TBC1D8: variants seen among roughly 807,000 people sequenced by gnomAD.
TBC1D8 encodes BUB2-like protein 1.
TBC1D8 carries 65 observed loss-of-function variants against 118.8 expected under a neutral mutation model. The ratio of observed to expected loss-of-function variants is 0.55; its 90% confidence interval spans 0.45 to 0.67. The LOEUF is 0.67. Among genes scored for constraint, TBC1D8 ranks in the 30% least tolerant of loss-of-function variants. The probability of loss-of-function intolerance (pLI) is 0.00; values close to 1 mark genes in which losing one functional copy is unlikely to be tolerated. For missense variants in TBC1D8, 1,376 were observed against 1,471.2 expected (o/e 0.94, Z 1.06); for synonymous variants, 566 against 595.8 (o/e 0.95, Z 0.73).
chr2:101,071,355 A>AAACG (rs1674418998), intron 2 of TBC1D8, among the ~76,000 whole-genome samples: 1 of 141,268 alleles, frequency 7.1e-6, no homozygotes, highest in East Asian at 2.0e-4. Flanking sequence ...AAAAACAAAC[A>AAACG]AACAAACAAA....
chr2:101,106,987 G>A (rs1677264774), intron 1 of TBC1D8, among the ~76,000 whole-genome samples: 1 of 152,218 alleles, frequency 6.6e-6, no homozygotes, highest in Admixed American at 6.5e-5. Flanking sequence ...AGGGTCAGGT[G>A]TATTCAATGC....
chr2:101,136,306 C>T (rs985458557), intron 1 of TBC1D8, among the ~76,000 whole-genome samples: 2 of 152,136 alleles, frequency 1.3e-5, no homozygotes, highest in Non-Finnish European at 2.9e-5. Flanking sequence ...ATTGTTAAAA[C>T]GAACCTGGCA....
chr2:101,093,856 C>A (rs1484836782), intron 1 of TBC1D8, among the ~76,000 whole-genome samples: 3 of 152,092 alleles, frequency 2.0e-5, no homozygotes, highest in East Asian at 2.0e-4. Context: ...ATTACAGGCA[C>A]CTGCCACCAC....
In TBC1D8 at chr2:101,142,255, C is replaced by G. The variant is rs145853381; in HGVS notation, c.127+8872G>C. 1.2e-4 allele frequency among the ~76,000 whole-genome samples: 19 copies of G among 152,268 alleles called. No individual in the cohort carries two copies. The East Asian group carries it at 3.7e-3, about 29-fold the overall frequency. ...GTTGAAAATACACATAGCTATGACC[C>G]AGTATTAGGGCTGTTCACAAAAGTC... On this transcript the variant is annotated intron_variant, in intron 1 of 19. Coordinates refer to ENST00000409318, the MANE Select transcript of TBC1D8 (RefSeq NM_001330348.2).
chr2:101,099,231 G>C (rs759507904), intron 1 of TBC1D8, among the ~76,000 whole-genome samples: 1 of 152,062 alleles, frequency 6.6e-6, no homozygotes, highest in Non-Finnish European at 1.5e-5. Context: ...ACTATAAATA[G>C]TTCCACACAA....
rs975726282 is a variant in TBC1D8, at chr2:101,149,017, G to C, written c.127+2110C>G. Among the ~76,000 whole-genome samples, 7 of 152,192 alleles carry C rather than the reference G, an allele frequency of 4.6e-5. No homozygotes were observed. In the East Asian group the frequency reaches 1.4e-3, roughly 29 times the overall value. On this transcript the variant is annotated intron_variant, in intron 1 of 19. Coordinates refer to ENST00000409318, the MANE Select transcript of TBC1D8 (RefSeq NM_001330348.2). Reference sequence around the variant, plus strand: ...CGTGGCAGGTCAGCGCTGCTTCATCGGCATTGGCTTCCCAGCTAAATGCTC... The same window carrying C: ...CGTGGCAGGTCAGCGCTGCTTCATCCGCATTGGCTTCCCAGCTAAATGCTC...
intron 1 of TBC1D8, among the ~76,000 whole-genome samples, chr2:101,141,893 GTA>G (rs1490376211): frequency 2.0e-5 from 3 of 151,334 alleles, no homozygotes; most frequent in Non-Finnish European, 4.4e-5. Flanking sequence ...AAAGACTCAA[GTA>G]TTTCTCAGAA....
chr2:101,102,410 C>T (rs1023335115), intron 1 of TBC1D8, among the ~76,000 whole-genome samples: 13 of 151,388 alleles, frequency 8.6e-5, no homozygotes, highest in Admixed American at 1.3e-4. Flanking sequence ...GCTGAAACCA[C>T]GCTGCTGCAC....
rs181167792 is a variant in TBC1D8, at chr2:101,124,433, G to A, written c.127+26694C>T. Among the ~76,000 whole-genome samples, 36 of 152,234 alleles carry A rather than the reference G, an allele frequency of 2.4e-4. No homozygotes were observed. The East Asian group carries it at 6.8e-3, about 29-fold the overall frequency. ...GGGTTGCTTGCAGGCTAACCAAGAT[G>A]AAAACTACCACATTTCTAGTCTCCA... On this transcript the variant is annotated intron_variant, in intron 1 of 19. Transcript: ENST00000409318.
intron 2 of TBC1D8, among the ~76,000 whole-genome samples, chr2:101,067,910 G>A (rs1256894612): frequency 2.0e-5 from 3 of 152,158 alleles, no homozygotes; most frequent in African/African-American, 7.2e-5. Context: ...TAAATCCTTT[G>A]TTGTCATTTC....
intron 1 of TBC1D8, 121 bp downstream of exon 1, chr2:101,151,006 C>A: frequency 2.8e-6 from 2 of 716,712 alleles, no homozygotes; most frequent in Non-Finnish European, 3.4e-6. Flanking sequence ...CAGGGCCGTC[C>A]GGGCCCCGCG....
intron 5 of TBC1D8, among the ~76,000 whole-genome samples, chr2:101,049,059 G>C (rs892535638): frequency 2.0e-5 from 3 of 152,124 alleles, no homozygotes; most frequent in African/African-American, 7.2e-5. Flanking sequence ...TAATGCTGCT[G>C]CAAACACGGG....
intron 1 of TBC1D8, among the ~76,000 whole-genome samples, chr2:101,092,932 G>A (rs569550497): frequency 1.7e-4 from 26 of 152,170 alleles, no homozygotes; most frequent in African/African-American, 5.1e-4. Context: ...TGAACAACAC[G>A]GGTTTGAACT....
At chr2:101,067,900 T>A (rs1031333713) in intron 2 of TBC1D8, among the ~76,000 whole-genome samples, 7 of 152,254 alleles carry the variant, frequency 4.6e-5, no homozygotes, top group Non-Finnish European at 8.8e-5. Flanking sequence ...TGAAATACTC[T>A]AAATCCTTTG....
intron 17 of TBC1D8, among the ~76,000 whole-genome samples, chr2:101,012,238 A>G (rs1311967261): frequency 6.6e-6 from 1 of 152,246 alleles, no homozygotes; most frequent in Non-Finnish European, 1.5e-5. Context: ...AAGTGTTCAC[A>G]TGCAAACTTG....
At chr2:101,031,116 C>T (rs1340013226) in intron 11 of TBC1D8, among the ~76,000 whole-genome samples, 1 of 152,182 alleles carries the variant, frequency 6.6e-6, no homozygotes, top group Non-Finnish European at 1.5e-5. Context: ...TGAGCTGTCA[C>T]ATAGCAACAA....
intron 2 of TBC1D8, among the ~76,000 whole-genome samples, chr2:101,064,011 A>C (rs1422499860): frequency 1.3e-5 from 2 of 152,218 alleles, no homozygotes; most frequent in Non-Finnish European, 2.9e-5. Flanking sequence ...AAATTAACTC[A>C]GTACCACAGC....
chr2:101,112,404 C>T (rs1248074281), intron 1 of TBC1D8, among the ~76,000 whole-genome samples: 3 of 152,188 alleles, frequency 2.0e-5, no homozygotes, highest in Non-Finnish European at 2.9e-5. Flanking sequence ...TTTCATTTCT[C>T]GTCGTGAACA....
intron 2 of TBC1D8, among the ~76,000 whole-genome samples, chr2:101,067,448 C>T (rs1380285625): frequency 6.6e-6 from 1 of 152,166 alleles, no homozygotes. Context: ...TTCTAGACCA[C>T]CACGATAAAG....
Sources: gnomAD v4.1 joint callset for allele counts (sites outside exome capture counted in the v4.1 genomes callset) on GRCh38, gnomAD v4.1.1 for gene constraint, MANE v1.5 for transcripts, NCBI Gene and HGNC (gene_info 2026-07-23, HGNC 2026-07-21) for gene names.